The following RASEF variants were observed in gnomAD, a reference collection of about 807,000 sequenced individuals.
RASEF encodes the protein RAS and EF-hand domain containing.
In RASEF, 68 loss-of-function variants were observed where a neutral mutation model predicts 90.1. That is an observed-to-expected ratio of 0.75 (90% confidence interval 0.62 to 0.92). RASEF has a LOEUF of 0.92. Among genes scored for constraint, RASEF ranks in the 40% least tolerant of loss-of-function variants. The pLI, the probability that RASEF is intolerant of heterozygous loss-of-function variation, is 0.00. For synonymous variants in RASEF, 331 were observed against 345.2 expected, an observed-to-expected ratio of 0.96 and a Z score of 0.46; for missense variants, 949 against 937.2, an observed-to-expected ratio of 1.01 and a Z score of -0.16.
chr9:82,984,667 G>A (rs566991608), intron 16 of RASEF, among the ~76,000 whole-genome samples: 1 of 152,228 alleles, frequency 6.6e-6, no homozygotes, highest in South Asian at 2.1e-4. Context: ...ACTCATTTCA[G>A]GTTTCTGACC....
chr9:83,164,901 G>T, the RASEF span, among the ~76,000 whole-genome samples: 1 of 151,896 alleles, frequency 6.6e-6, no homozygotes, highest in Non-Finnish European at 1.5e-5. Context: ...AAGTTATCAT[G>T]AATATAAAAG....
chr9:83,190,044 C>A, the RASEF span, among the ~76,000 whole-genome samples: 3 of 152,292 alleles, frequency 2.0e-5, no homozygotes, highest in East Asian at 3.9e-4. Context: ...CTTCCCTCCC[C>A]CTGCAGTCCG....
the RASEF span, among the ~76,000 whole-genome samples, chr9:83,110,698 A>G: frequency 6.6e-6 from 1 of 152,152 alleles, no homozygotes; most frequent in African/African-American, 2.4e-5. Flanking sequence ...CAGAGTAGAA[A>G]TTGCCTGTCT....
chr9:83,030,506 T>C (rs1829627064), intron 1 of RASEF, among the ~76,000 whole-genome samples: 1 of 152,240 alleles, frequency 6.6e-6, no homozygotes, highest in Non-Finnish European at 1.5e-5. Context: ...TTGTAAATTC[T>C]TGGGTCATGT....
At chr9:83,167,072 C>G in the RASEF span, among the ~76,000 whole-genome samples, 2 of 152,100 alleles carry the variant, frequency 1.3e-5, no homozygotes, top group Non-Finnish European at 2.9e-5. Flanking sequence ...ATTTTCTCAT[C>G]TGCAAGTGGG....
the RASEF span, among the ~76,000 whole-genome samples, chr9:83,207,726 G>A: frequency 5.4e-5 from 8 of 148,854 alleles, no homozygotes; most frequent in Admixed American, 4.8e-4. Context: ...TCCTGTCTCA[G>A]CCTCCCAGGT....
chr9:83,211,857 C>T, the RASEF span, among the ~76,000 whole-genome samples: 2 of 152,102 alleles, frequency 1.3e-5, no homozygotes, highest in African/African-American at 4.8e-5. Flanking sequence ...TAAAGGAACC[C>T]GTGGCTTTTG....
At chr9:83,096,125 C>T in the RASEF span, among the ~76,000 whole-genome samples, 51 of 152,282 alleles carry the variant, frequency 3.3e-4, no homozygotes, top group African/African-American at 1.2e-3. Context: ...GAGAGGATGC[C>T]TCAGTGGAGT....
In RASEF at chr9:82,979,991, T is replaced by A. The variant is rs1828569347; in HGVS notation, c.*2686A>T. The A allele has an allele frequency of 2.0e-5, 3 of 152,310 alleles. No individual in the cohort carries two copies. Among genetic ancestry groups the A allele is most frequent in the African/African-American group, 7.2e-5 (3 of 41,576 alleles). 9.4% of individuals were successfully genotyped at this position (152,310 alleles called of 1,614,324 possible). ...GTGTTAAATAATCAAATGTCACATA[T>A]GTCATATAAAGCAGCAAGTGAAAAA... On this transcript the variant is annotated 3_prime_UTR_variant, in exon 17 of 17. Transcript: ENST00000376447.
chr9:83,164,520 G>T, the RASEF span, among the ~76,000 whole-genome samples: 3 of 149,838 alleles, frequency 2.0e-5, no homozygotes, highest in African/African-American at 2.4e-5. Flanking sequence ...AATGTATATT[G>T]CAATGTCTAG....
At chr9:83,066,086 C>T (rs1399343158), upstream of RASEF, among the ~76,000 whole-genome samples, 1 of 152,280 alleles carries the variant, frequency 6.6e-6, no homozygotes, top group South Asian at 2.1e-4. Flanking sequence ...ATCCACAGCC[C>T]TCTGTAATTT....
chr9:83,147,512 T>G, the RASEF span, among the ~76,000 whole-genome samples: 1 of 152,118 alleles, frequency 6.6e-6, no homozygotes, highest in African/African-American at 2.4e-5. Context: ...CTCAAACCCC[T>G]TATGGGAGGG....
intron 6 of RASEF, among the ~76,000 whole-genome samples, chr9:83,008,891 C>CTCATATATATAT (rs57817845): frequency 0.016 from 304 of 19,494 alleles, 31 homozygotes; most frequent in Non-Finnish European, 0.024. Flanking sequence ...AAGTTCTCAT[C>CTCATATATATAT]ATATATATAT....
chr9:83,135,496 A>T, the RASEF span, among the ~76,000 whole-genome samples: 3 of 152,170 alleles, frequency 2.0e-5, no homozygotes, highest in Admixed American at 1.3e-4. Context: ...AGTATAATTT[A>T]AAAAATAAAT....
the RASEF span, among the ~76,000 whole-genome samples, chr9:83,195,074 C>T: frequency 6.6e-6 from 1 of 152,222 alleles, no homozygotes; most frequent in Non-Finnish European, 1.5e-5. Flanking sequence ...CTGTGACAGG[C>T]TTGGCCTTCC....
chr9:82,999,194 A>T (rs992797442), intron 12 of RASEF, among the ~76,000 whole-genome samples: 2 of 107,258 alleles, frequency 1.9e-5, no homozygotes, highest in African/African-American at 7.1e-5. Context: ...GCATATCTTC[A>T]ACTCCTTTTA....
At chr9:83,186,946 C>T in the RASEF span, among the ~76,000 whole-genome samples, 5,619 of 152,142 alleles carry the variant, frequency 0.037, 351 homozygotes, top group African/African-American at 0.13. Context: ...AGCATGCCCA[C>T]GATCTGCAAA....
the RASEF span, among the ~76,000 whole-genome samples, chr9:83,117,512 G>A: frequency 3.9e-5 from 6 of 152,176 alleles, no homozygotes; most frequent in Non-Finnish European, 5.9e-5. Flanking sequence ...CCTGCTGAGC[G>A]TGGGAACAAT....
chr9:83,210,581 C>A, the RASEF span, among the ~76,000 whole-genome samples: 1 of 152,210 alleles, frequency 6.6e-6, no homozygotes, highest in South Asian at 2.1e-4. Context: ...CATTCCAGCT[C>A]ACCATGAATG....
Sources: allele counts gnomAD v4.1 joint callset (sites outside exome capture counted in the v4.1 genomes callset), GRCh38; gene constraint gnomAD v4.1.1; transcripts MANE v1.5; gene names NCBI Gene and HGNC (gene_info 2026-07-23, HGNC 2026-07-21).